The following PHKG1 variants were observed in gnomAD, a reference collection of about 807,000 sequenced individuals.
PHKG1 encodes the protein phosphorylase kinase catalytic subunit gamma 1.
In PHKG1, 48 loss-of-function variants were observed where a neutral mutation model predicts 50.5. That is an observed-to-expected ratio of 0.95 (90% CI 0.75 to 1.21). The LOEUF is 1.21. Among genes scored for constraint, PHKG1 ranks in the 50% most tolerant of loss-of-function variants. PHKG1 has a pLI of 0.00. For missense variants in PHKG1, 487 were observed against 519.5 expected (o/e 0.94, Z 0.61); for synonymous variants, 204 against 212.8 (o/e 0.96, Z 0.36).
chr7:56,092,195 G>A (rs1226925567), intron 1 of PHKG1, among the ~76,000 whole-genome samples: 1 of 152,184 alleles, frequency 6.6e-6, no homozygotes, highest in Non-Finnish European at 1.5e-5. Context: ...GGCCAACTTT[G>A]TGCCTCTGTC....
Position 56,081,307 on chromosome 7 carries a change from G to A in PHKG1, c.919-8C>T, listed in dbSNP as rs372257004. On this transcript the variant is annotated splice_polypyrimidine_tract_variant and splice_region_variant and intron_variant, in intron 9 of 9. Transcript: ENST00000297373. This position sits in a 1 kb window ranked among gnomAD's most constrained non-coding sequence, Gnocchi z 4.6. Reference sequence around the variant, plus strand: ...CACGGTCAGAGCGATCACCTGCAGGGCCAGGCGGAGAAGCTGGGCTGCAGC... The same window carrying A: ...CACGGTCAGAGCGATCACCTGCAGGACCAGGCGGAGAAGCTGGGCTGCAGC... 27 of 1,601,472 alleles carry A rather than the reference G, an allele frequency of 1.7e-5. No individual in the cohort carries two copies. Among genetic ancestry groups the A allele is most frequent in the Admixed American group, 1.7e-5 (1 of 59,282 alleles).
In PHKG1 at chr7:56,081,524, G is replaced by T; in HGVS notation, c.918+106C>A. 1 of 1,378,100 alleles carries T rather than the reference G, an allele frequency of 7.3e-7. No homozygotes were observed. Among genetic ancestry groups the T allele is most frequent in the Non-Finnish European group, 1.0e-6 (1 of 993,060 alleles). The allele number at this position is 1,378,100 out of a possible 1,614,324, so 85.4% of individuals were successfully genotyped here. On this transcript the variant is annotated intron_variant, in intron 9 of 9. Coordinates refer to ENST00000297373, the MANE Select transcript of PHKG1 (RefSeq NM_006213.5). The surrounding 1 kb of genome is among the most constrained non-coding windows in gnomAD (Gnocchi z 4.6). ...ATCACAGGGCAGCTGGGAGGGGAGG[G>T]ATGGGTACTCTGGAAATTCACGGGG...
chr7:56,091,525 A>AG (rs1239623415), intron 1 of PHKG1, among the ~76,000 whole-genome samples: 1 of 151,758 alleles, frequency 6.6e-6, no homozygotes, highest in Non-Finnish European at 1.5e-5. Context: ...TCAAAAAAAA[A>AG]AAGACAAAAC....
At chr7:56,086,584 G>A (rs1165014172) in intron 4 of PHKG1, among the ~76,000 whole-genome samples, 1 of 150,966 alleles carries the variant, frequency 6.6e-6, no homozygotes, top group Non-Finnish European at 1.5e-5. Context: ...CGCCTCCTGG[G>A]TTCAAGCGAT....
rs1445965041 is a variant in PHKG1, at chr7:56,081,880, C to T, written c.792+13G>A. On this transcript the variant is annotated intron_variant, in intron 8 of 9. Coordinates refer to ENST00000297373, the MANE Select transcript of PHKG1 (RefSeq NM_006213.5). The surrounding 1 kb of genome is among the most constrained non-coding windows in gnomAD (Gnocchi z 4.6). ...AGCCCTGAGCCCAGGAGCCAGTTGG[C>T]CTGGCCTCTCACCAGGTCCTTCACG... 6.2e-7 allele frequency: 1 copy of T among 1,612,884 alleles called. No individual in the cohort carries two copies. The highest frequency in any genetic ancestry group is 8.5e-7 in the Non-Finnish European group (1 of 1,179,736).
intron 1 of PHKG1, among the ~76,000 whole-genome samples, chr7:56,091,918 T>C (rs1796504757): frequency 6.6e-6 from 1 of 152,234 alleles, no homozygotes; most frequent in Admixed American, 6.5e-5. Flanking sequence ...CTGTTTCCCA[T>C]AAAAACAAGC....
In PHKG1 at chr7:56,082,187, G is replaced by A. The variant is rs1245157298; in HGVS notation, c.614C>T (p.Pro205Leu). ...IIECSMNEDH[P>L]GYGKEVDMWS... Reference sequence around the variant, plus strand: ...CATGTCCACCTCTTTCCCGTAGCCCGGGTGGTCCTCATTCATGGAGCACTC... The same window carrying A: ...CATGTCCACCTCTTTCCCGTAGCCCAGGTGGTCCTCATTCATGGAGCACTC... Residue 205 changes from proline (P) to leucine (L), a missense_variant, in exon 7 of 10, where the codon CCG (proline) becomes CTG (leucine). By Grantham distance (98) the Pro-to-Leu change is moderately conservative. Transcript: ENST00000297373. 4 of 1,613,888 alleles carry A rather than the reference G, an allele frequency of 2.5e-6. No homozygotes were observed. The highest frequency in any genetic ancestry group is 1.7e-5 in the Admixed American group (1 of 60,022).
Position 56,080,924 on chromosome 7 carries a change from T to C in PHKG1, c.*130A>G, listed in dbSNP as rs2117525294. On this transcript the variant is annotated 3_prime_UTR_variant, in exon 10 of 10. Transcript: ENST00000297373. ...CTTTGAGAGGGGATCGTGGCCTCAG[T>C]TCCAGGGGTTCCTGGCCAGGGCCAA... 9.1e-7 allele frequency: 1 copy of C among 1,096,280 alleles called. No homozygotes were observed. Among genetic ancestry groups the C allele is most frequent in the Non-Finnish European group, 1.3e-6 (1 of 773,828 alleles). The allele number at this position is 1,096,280 out of a possible 1,614,324, so 67.9% of individuals were successfully genotyped here.
rs778940977 is a variant in PHKG1 at position 56,081,605 on chromosome 7, G to C, written c.918+25C>G. The C allele has an allele frequency of 8.7e-6, 14 of 1,611,090 alleles. No homozygotes were observed. Among genetic ancestry groups the C allele is most frequent in the Non-Finnish European group, 1.0e-5 (12 of 1,178,502 alleles). On this transcript the variant is annotated intron_variant, in intron 9 of 9. Coordinates refer to ENST00000297373, the MANE Select transcript of PHKG1 (RefSeq NM_006213.5). The surrounding 1 kb of genome is among the most constrained non-coding windows in gnomAD (Gnocchi z 4.6). ...AGAGGTTTGCACTTAGGGAGCTGGC[G>C]GGCCTGGATCAGGACGCTTAGTACC... is the stretch of plus-strand genomic sequence containing the variant.
At chr7:56,083,740 T>C in intron 4 of PHKG1, 25 bp from the exon 5 acceptor site, 7 of 1,525,418 alleles carry the variant, frequency 4.6e-6, no homozygotes, top group Non-Finnish European at 6.3e-6. Context: ...GGTTGATAGC[T>C]GGATCGGTCC....
intron 6 of PHKG1, among the ~76,000 whole-genome samples, chr7:56,082,601 A>AG (rs2117546117): frequency 6.6e-6 from 1 of 151,824 alleles, no homozygotes; most frequent in Admixed American, 6.6e-5. Flanking sequence ...CAAAAAAAAA[A>AG]GAGAGGAAGT....
rs751540733 is a variant in PHKG1 at position 56,081,269 on chromosome 7, G to T, written c.949C>A (p.Arg317=). ...ACCCGGCGGTACTGGTAGTAGATCC[G>T]CACTGAAGCCAGCACGGTCAGAGCG... is the stretch of plus-strand genomic sequence containing the variant. ...VIALTVLASV[R]IYYQYRRVKP... The change falls in exon 10 of 10, where the codon CGG becomes AGG. Residue 317 remains arginine, a synonymous_variant. Transcript: ENST00000297373. The surrounding 1 kb of genome is among the most constrained non-coding windows in gnomAD (Gnocchi z 4.6). 1.9e-6 allele frequency: 3 copies of T among 1,612,044 alleles called. No individual in the cohort carries two copies. The highest frequency in any genetic ancestry group is 4.5e-5 in the East Asian group (2 of 44,868).
rs146971620 is a variant in PHKG1 at position 56,082,186 on chromosome 7, C to T, written c.615G>A (p.Pro205=). 1.1e-5 allele frequency: 17 copies of T among 1,613,854 alleles called. 1 individual carries two copies. Among genetic ancestry groups the T allele is most frequent in the African/African-American group, 5.3e-5 (4 of 74,932 alleles). ...IIECSMNEDH[P]GYGKEVDMWS... is the part of the protein sequence containing the mutation. ...ACATGTCCACCTCTTTCCCGTAGCC[C>T]GGGTGGTCCTCATTCATGGAGCACT... The change falls in exon 7 of 10, where the codon CCG becomes CCA. Residue 205 remains proline (P), a synonymous_variant. Transcript: ENST00000297373.
intron 4 of PHKG1, chr7:56,084,138 G>A: frequency 6.8e-7 from 1 of 1,475,160 alleles, no homozygotes; most frequent in Non-Finnish European, 9.2e-7. Context: ...TGGTGGCCCT[G>A]TGAGCAGTAC....
chr7:56,091,461 G>A (rs926448176), intron 1 of PHKG1, among the ~76,000 whole-genome samples: 7 of 151,610 alleles, frequency 4.6e-5, no homozygotes, highest in Non-Finnish European at 8.8e-5. Flanking sequence ...AGCTTGCAGT[G>A]AGCTGAGATC....
In PHKG1 at chr7:56,081,472, G is replaced by A. The variant is rs1359440351; in HGVS notation, c.918+158C>T. Among the ~76,000 whole-genome samples, 1 of 152,158 alleles carries A rather than the reference G, an allele frequency of 6.6e-6. No individual in the cohort carries two copies. Among genetic ancestry groups the A allele is most frequent in the Non-Finnish European group, 1.5e-5 (1 of 68,024 alleles). ...CAGCATCCTCAGGGACCGAGCCAGTGGGCTGACACCTGCCGTCTTTGAAGC... is the reference window on the plus strand; with the variant it reads ...CAGCATCCTCAGGGACCGAGCCAGTAGGCTGACACCTGCCGTCTTTGAAGC... On this transcript the variant is annotated intron_variant, in intron 9 of 9. Transcript: ENST00000297373. The surrounding 1 kb of genome is among the most constrained non-coding windows in gnomAD (Gnocchi z 4.6).
chr7:56,083,559 CAT>C lies in PHKG1; in HGVS notation c.383+89_383+90del, dbSNP rs541130795. On this transcript the variant is annotated intron_variant, in intron 5 of 9. Coordinates refer to ENST00000297373, the MANE Select transcript of PHKG1 (RefSeq NM_006213.5). ...GAGCAGCACACACGCCCAGCCCAGA[CAT>C]GTGCACGCCCTGCCTCCCCTGAGAC... 392 of 1,496,478 alleles carry C rather than the reference CAT, an allele frequency of 2.6e-4. 4 individuals carry two copies. In the South Asian group the frequency reaches 4.3e-3, roughly 16 times the overall value. The allele number at this position is 1,496,478 out of a possible 1,614,324, so 92.7% of individuals were successfully genotyped here.
chr7:56,083,312 A>G lies in PHKG1; in HGVS notation c.513T>C (p.Phe171=). 6.2e-7 allele frequency: 1 copy of G among 1,614,036 alleles called. No individual in the cohort carries two copies. Among genetic ancestry groups the G allele is most frequent in the Non-Finnish European group, 8.5e-7 (1 of 1,179,962 alleles). The change falls in exon 6 of 10, where the codon TTT becomes TTC. Residue 171 remains phenylalanine (F), a synonymous_variant. Coordinates refer to ENST00000297373, the MANE Select transcript of PHKG1 (RefSeq NM_006213.5). ...NMNIKLTDFG[F]SCQLEPGERL... The stretch of plus-strand genomic sequence containing the variant: ...TCTCTCCCGGCTCCAGCTGGCAGGA[A>G]AAGCCAAAGTCTGTGAGCTTGATGT...
intron 4 of PHKG1, among the ~76,000 whole-genome samples, chr7:56,085,659 T>A (rs1796219960): frequency 6.6e-6 from 1 of 152,026 alleles, no homozygotes; most frequent in African/African-American, 2.4e-5. Context: ...AGATAGTCAG[T>A]GAGATCTTTT....
Sources: allele counts gnomAD v4.1 joint callset (sites outside exome capture counted in the v4.1 genomes callset), GRCh38; gene constraint gnomAD v4.1.1; non-coding constraint Gnocchi (gnomAD v3.1); transcripts MANE v1.5; gene names NCBI Gene and HGNC (gene_info 2026-07-23, HGNC 2026-07-21).